DTWD2: variants seen among roughly 807,000 people sequenced by gnomAD.
DTWD2 encodes the protein DTW motif tRNA-uridine aminocarboxypropyltransferase 2.
A neutral mutation model predicts 31.8 loss-of-function variants in DTWD2; 39 were observed. The ratio of observed to expected loss-of-function variants is 1.22; its 90% CI spans 0.95 to 1.60. The LOEUF is 1.60. Ranked by LOEUF, DTWD2 falls within the 40% of genes most tolerant of loss-of-function variation. DTWD2 has a pLI of 0.00. For missense variants in DTWD2, 515 were observed against 381.5 expected (o/e 1.35, Z -2.92); for synonymous variants, 180 against 142.8 (o/e 1.26, Z -1.86).
At chr5:118,953,144 G>C (rs990269390) in intron 1 of DTWD2, among the ~76,000 whole-genome samples, 2 of 152,186 alleles carry the variant, frequency 1.3e-5, no homozygotes, top group Non-Finnish European at 2.9e-5. Flanking sequence ...CAGTAAGCCT[G>C]AGAATGTGCA....
intron 4 of DTWD2, among the ~76,000 whole-genome samples, chr5:118,870,146 A>C (rs942131302): frequency 1.3e-5 from 2 of 152,204 alleles, no homozygotes; most frequent in African/African-American, 4.8e-5. Flanking sequence ...TGAGCTAAAT[A>C]AATCTCTTTT....
At chr5:118,843,717 A>G (rs2666569) in intron 5 of DTWD2, among the ~76,000 whole-genome samples, 3,622 of 152,340 alleles carry the variant, frequency 0.024, 137 homozygotes, top group African/African-American at 0.082. Flanking sequence ...TCCTGAAGAT[A>G]AGATTCTATC....
intron 4 of DTWD2, among the ~76,000 whole-genome samples, chr5:118,899,021 C>T (rs1173691425): frequency 1.3e-5 from 2 of 152,240 alleles, no homozygotes; most frequent in African/African-American, 4.8e-5. Flanking sequence ...TTGCCCAATG[C>T]ACACATTCCC....
intron 4 of DTWD2, among the ~76,000 whole-genome samples, chr5:118,888,278 A>G (rs921948163): frequency 1.3e-5 from 2 of 152,126 alleles, no homozygotes; most frequent in African/African-American, 4.8e-5. Context: ...TCATCCATCA[A>G]GGCTAGCAAT....
chr5:118,976,236 T>C (rs1755155430), intron 1 of DTWD2, among the ~76,000 whole-genome samples: 1 of 152,094 alleles, frequency 6.6e-6, no homozygotes, highest in South Asian at 2.1e-4. Context: ...CAGGAGAAAG[T>C]GGGAAAGATC....
intron 1 of DTWD2, among the ~76,000 whole-genome samples, chr5:118,973,350 C>T (rs540565912): frequency 6.6e-5 from 10 of 152,260 alleles, no homozygotes; most frequent in South Asian, 2.1e-4. Flanking sequence ...TTCATAGCGT[C>T]GATGGTCTTC....
chr5:118,985,486 A>ATT (rs201766881), intron 1 of DTWD2, among the ~76,000 whole-genome samples: 25 of 102,640 alleles, frequency 2.4e-4, no homozygotes, highest in Non-Finnish European at 3.5e-4. Flanking sequence ...GCTTATGTGC[A>ATT]TTTTTATATA....
intron 4 of DTWD2, among the ~76,000 whole-genome samples, chr5:118,854,174 T>C (rs1752078237): frequency 6.6e-6 from 1 of 152,178 alleles, no homozygotes; most frequent in African/African-American, 2.4e-5. Context: ...ATGGAATACA[T>C]TTCCATTTAA....
At chr5:118,945,141 A>C (rs575847564) in intron 1 of DTWD2, among the ~76,000 whole-genome samples, 1 of 152,350 alleles carries the variant, frequency 6.6e-6, no homozygotes. Flanking sequence ...TTGTGAGAAG[A>C]AACTCAAATA....
At chr5:118,842,910 G>A (rs559060324) in intron 5 of DTWD2, among the ~76,000 whole-genome samples, 1 of 150,870 alleles carries the variant, frequency 6.6e-6, no homozygotes, top group South Asian at 2.1e-4. Flanking sequence ...TCATACCACT[G>A]CACTCCAGCC....
intron 1 of DTWD2, among the ~76,000 whole-genome samples, chr5:118,972,455 G>A (rs1755009032): frequency 1.3e-5 from 2 of 152,152 alleles, no homozygotes; most frequent in African/African-American, 4.8e-5. Context: ...CCAACAATGA[G>A]TTCTGAAACC....
At chr5:118,902,105 A>G (rs1254325330) in intron 4 of DTWD2, among the ~76,000 whole-genome samples, 1 of 152,230 alleles carries the variant, frequency 6.6e-6, no homozygotes, top group African/African-American at 2.4e-5. Context: ...ATATCAACAC[A>G]TATCACTATA....
intron 1 of DTWD2, among the ~76,000 whole-genome samples, chr5:118,987,287 G>C (rs1755449746): frequency 6.6e-6 from 1 of 152,058 alleles, no homozygotes; most frequent in Non-Finnish European, 1.5e-5. Flanking sequence ...TTTACTGAGC[G>C]TCAACTATAC....
intron 3 of DTWD2, among the ~76,000 whole-genome samples, chr5:118,930,937 C>A (rs997331884): frequency 6.6e-6 from 1 of 151,686 alleles, no homozygotes; most frequent in Admixed American, 6.6e-5. Context: ...GAAGTGATGA[C>A]ATATTTTAAA....
rs2149593149 is a variant in DTWD2, at chr5:118,961,237, G to A, written c.219-16588C>T. Among the ~76,000 whole-genome samples, 2 of 152,224 alleles carry A rather than the reference G, an allele frequency of 1.3e-5. 1 individual carries two copies. Among genetic ancestry groups the A allele is most frequent in the African/African-American group, 4.8e-5 (2 of 41,544 alleles). On this transcript the variant is annotated intron_variant, in intron 1 of 5. Transcript: ENST00000510708. ...ACAGTTATGGATCAACTAAGACTGA[G>A]AATCTTATCATAATCATCTCACGTT... is the stretch of plus-strand genomic sequence containing the variant.
chr5:118,967,551 A>C (rs1416452759), intron 1 of DTWD2, among the ~76,000 whole-genome samples: 1 of 152,224 alleles, frequency 6.6e-6, no homozygotes, highest in Non-Finnish European at 1.5e-5. Flanking sequence ...AAGCCTGTCA[A>C]AAGGTTCCAG....
At chr5:118,884,725 G>A (rs535000878) in intron 4 of DTWD2, among the ~76,000 whole-genome samples, 24 of 152,220 alleles carry the variant, frequency 1.6e-4, no homozygotes, top group African/African-American at 5.3e-4. Context: ...TCCAGGTTGG[G>A]GCTGGGCGTG....
At chr5:118,857,232 G>A (rs995347709) in intron 4 of DTWD2, among the ~76,000 whole-genome samples, 3 of 151,924 alleles carry the variant, frequency 2.0e-5, no homozygotes, top group African/African-American at 7.3e-5. Flanking sequence ...TGTGTGTGGG[G>A]GTGTGTATAT....
chr5:118,879,280 A>G (rs902992662), intron 4 of DTWD2, among the ~76,000 whole-genome samples: 2 of 152,174 alleles, frequency 1.3e-5, no homozygotes, highest in African/African-American at 4.8e-5. Context: ...AATGCAGTAC[A>G]TATACACCAT....
Sources: gnomAD v4.1 joint callset for allele counts (sites outside exome capture counted in the v4.1 genomes callset) on GRCh38, gnomAD v4.1.1 for gene constraint, MANE v1.5 for transcripts, NCBI Gene and HGNC (gene_info 2026-07-23, HGNC 2026-07-21) for gene names.